Variants in FOCAD observed in about 807,000 individuals in gnomAD.
FOCAD encodes focadhesin.
FOCAD carries 198 observed loss-of-function variants against 225.6 expected under a neutral mutation model. The observed-to-expected ratio is 0.88, with a 90% CI of 0.78 to 0.99. FOCAD has a LOEUF of 0.99. Ranked by LOEUF, FOCAD falls within the 50% of genes least tolerant of loss-of-function variation. The pLI is 0.00. For synonymous variants in FOCAD, 897 were observed against 755.0 expected (o/e 1.19, Z -3.08); for missense variants, 2,713 against 2,123.6 (o/e 1.28, Z -5.46).
At chr9:20,724,296 T>C (rs929410814) in intron 4 of FOCAD, among the ~76,000 whole-genome samples, 1 of 152,248 alleles carries the variant, frequency 6.6e-6, no homozygotes, top group African/African-American at 2.4e-5. Context: ...CTATTATTTC[T>C]AATCTTTTAC....
intron 21 of FOCAD, among the ~76,000 whole-genome samples, chr9:20,901,506 G>A (rs1832561066): frequency 6.6e-6 from 1 of 151,766 alleles, no homozygotes; most frequent in Non-Finnish European, 1.5e-5. Flanking sequence ...GTTATAATGA[G>A]TATTTTCTTG....
At chr9:20,730,924 C>T (rs1826632197) in intron 4 of FOCAD, among the ~76,000 whole-genome samples, 3 of 152,004 alleles carry the variant, frequency 2.0e-5, no homozygotes. Flanking sequence ...AAAAAAAACC[C>T]ATAACAACAA....
intron 21 of FOCAD, among the ~76,000 whole-genome samples, chr9:20,895,310 C>T (rs1315229746): frequency 6.6e-6 from 1 of 151,898 alleles, no homozygotes; most frequent in Admixed American, 6.6e-5. Context: ...TCCTTTGTCT[C>T]TTCATATGAA....
At chr9:20,687,425 GT>G (rs1822733607) in intron 1 of FOCAD, among the ~76,000 whole-genome samples, 1 of 152,098 alleles carries the variant, frequency 6.6e-6, no homozygotes, top group Non-Finnish European at 1.5e-5. Context: ...GTTTTATGAA[GT>G]TTTTTTGGTT....
chr9:20,811,505 A>T (rs1255213547), intron 11 of FOCAD, among the ~76,000 whole-genome samples: 1 of 152,068 alleles, frequency 6.6e-6, no homozygotes, highest in Non-Finnish European at 1.5e-5. Flanking sequence ...GCTAGTTTAG[A>T]TACATTTCTT....
At chr9:20,794,567 C>G (rs1228529925) in intron 11 of FOCAD, among the ~76,000 whole-genome samples, 1 of 152,080 alleles carries the variant, frequency 6.6e-6, no homozygotes, top group African/African-American at 2.4e-5. Context: ...TGAAAGAGAA[C>G]ACAAGGCTAC....
chr9:20,952,872 CATAA>C, intron 34 of FOCAD, 109 bp from the exon 35 acceptor site: 1 of 787,896 alleles, frequency 1.3e-6, no homozygotes, highest in East Asian at 2.6e-5. Flanking sequence ...AGATTAATGG[CATAA>C]ACATCTCCAC....
At chr9:20,678,868 T>C (rs1176421398) in intron 2 of FOCAD, among the ~76,000 whole-genome samples, 1 of 152,216 alleles carries the variant, frequency 6.6e-6, no homozygotes, top group East Asian at 1.9e-4. Flanking sequence ...ATACCTCTGT[T>C]TATAGTCTTT....
chr9:20,739,056 C>G (rs910153927), intron 4 of FOCAD, among the ~76,000 whole-genome samples: 1 of 152,018 alleles, frequency 6.6e-6, no homozygotes, highest in Admixed American at 6.6e-5. Flanking sequence ...TTGGACTGTG[C>G]AGGTCTACTA....
intron 16 of FOCAD, among the ~76,000 whole-genome samples, chr9:20,865,707 C>T (rs931798082): frequency 6.6e-6 from 1 of 152,060 alleles, no homozygotes; most frequent in African/African-American, 2.4e-5. Context: ...ATTTCATTAT[C>T]TTAAAATCTT....
rs1167423302 is a variant in FOCAD at position 20,842,968 on chromosome 9, T to A, written c.1921-19610T>A. ...TTTTAAACTGATGAGAACCTAACTC[T>A]GTAAAAACAAACAAATCTAATAAAA... On this transcript the variant is annotated intron_variant, in intron 15 of 43. Coordinates refer to ENST00000338382, the MANE Select transcript of FOCAD (RefSeq NM_001375567.1). Among the ~76,000 whole-genome samples the A allele has an allele frequency of 2.6e-5, 4 of 152,006 alleles. No homozygotes were observed. The South Asian group carries it at 8.3e-4, about 31-fold the overall frequency.
At chr9:20,724,723 G>A (rs892400570) in intron 4 of FOCAD, among the ~76,000 whole-genome samples, 3 of 151,608 alleles carry the variant, frequency 2.0e-5, no homozygotes, top group African/African-American at 7.3e-5. Flanking sequence ...ACTTTGTACC[G>A]TTTATGTTTA....
chr9:20,900,006 A>T (rs571351264), intron 21 of FOCAD, among the ~76,000 whole-genome samples: 1 of 152,006 alleles, frequency 6.6e-6, no homozygotes, highest in African/African-American at 2.4e-5. Context: ...GGCTTCTCCA[A>T]GCTCAAGTGG....
At chr9:20,796,928 C>G (rs558580539) in intron 11 of FOCAD, among the ~76,000 whole-genome samples, 43 of 151,940 alleles carry the variant, frequency 2.8e-4, no homozygotes, top group Non-Finnish European at 5.7e-4. Flanking sequence ...AGGTTTTCTT[C>G]TAGGGTTTTT....
At position 20,788,646 on chromosome 9, in the gene FOCAD, T is replaced by C. The variant is rs191644932; in HGVS notation, c.1198-705T>C. ...TTTGAGTTACTTTATTAGCAAGCAA[T>C]GTCTAATGATTCTTTAACGTCTGCC... On this transcript the variant is annotated intron_variant, in intron 10 of 43. Coordinates refer to ENST00000338382, the MANE Select transcript of FOCAD (RefSeq NM_001375567.1). Among the ~76,000 whole-genome samples, 221 of 152,296 alleles carry C rather than the reference T, an allele frequency of 1.5e-3. 3 individuals are homozygous for C. The highest frequency in any genetic ancestry group is 5.0e-3 in the African/African-American group (209 of 41,568).
chr9:20,730,271 T>C (rs1019231796), intron 4 of FOCAD, among the ~76,000 whole-genome samples: 3 of 152,216 alleles, frequency 2.0e-5, no homozygotes, highest in Non-Finnish European at 4.4e-5. Flanking sequence ...GGTGACATTC[T>C]AATTCTATGT....
At position 20,797,992 on chromosome 9, in the gene FOCAD, A is replaced by G. The variant is rs532908008; in HGVS notation, c.1455+8384A>G. 1.2e-4 allele frequency among the ~76,000 whole-genome samples: 18 copies of G among 152,310 alleles called. 1 individual carries two copies. In the East Asian group the frequency reaches 2.1e-3, roughly 18 times the overall value. On this transcript the variant is annotated intron_variant, in intron 11 of 43. Transcript: ENST00000338382. ...GATATTGGCTGTGGGTTTGTCATAG[A>G]TAGCTCTTATCATTTTTAGATATGT...
intron 1 of FOCAD, among the ~76,000 whole-genome samples, chr9:20,714,622 GCCTGCCTGCCTGCCTTCCTTCCTTCCTT>G: frequency 8.8e-6 from 1 of 113,010 alleles, no homozygotes; most frequent in African/African-American, 3.8e-5. Flanking sequence ...CTGCCTGCCT[GCCTGCCTGCCTGCCTTCCTTCCTTCCTT>G]CCTTCCTTCC....
intron 2 of FOCAD, among the ~76,000 whole-genome samples, chr9:20,665,699 G>T (rs1465331730): frequency 2.6e-5 from 4 of 152,068 alleles, no homozygotes; most frequent in African/African-American, 9.7e-5. Context: ...GCTTTTCCCG[G>T]GTTTTAATCT....
Sources: gnomAD v4.1 joint callset for allele counts (sites outside exome capture counted in the v4.1 genomes callset) on GRCh38, gnomAD v4.1.1 for gene constraint, MANE v1.5 for transcripts, NCBI Gene and HGNC (gene_info 2026-07-23, HGNC 2026-07-21) for gene names.